Variants in RPS29 observed in about 807,000 individuals in gnomAD.
RPS29 encodes ribosomal protein S29.
For missense variants in RPS29, 60 were observed against 75.7 expected (o/e 0.79, Z 0.77); for synonymous variants, 37 against 26.9 (o/e 1.37, Z -1.16).
At chr14:49,579,105 G>A (rs1881267619), downstream of RPS29, among the ~76,000 whole-genome samples, 1 of 152,156 alleles carries the variant, frequency 6.6e-6, no homozygotes. Flanking sequence ...CCTGTGGGTT[G>A]TAGGAGGTGG....
chr14:49,591,164 A>G (rs1032648893), upstream of RPS29, among the ~76,000 whole-genome samples: 3 of 152,194 alleles, frequency 2.0e-5, no homozygotes, highest in African/African-American at 7.2e-5. Flanking sequence ...AAAAAGGAAA[A>G]AAATACATAC....
chr14:49,596,913 T>G (rs978900470), intron 1 of RPS29, among the ~76,000 whole-genome samples: 3 of 145,996 alleles, frequency 2.1e-5, no homozygotes, highest in African/African-American at 7.6e-5. Context: ...TAATTTTTTC[T>G]TCTTCTTTTT....
At chr14:49,577,796 A>G in exon 3 of RPS29, 2 of 1,602,884 alleles carry the variant, frequency 1.2e-6, no homozygotes, top group Non-Finnish European at 1.7e-6. Flanking sequence ...GATGGCCATG[A>G]TGGAGGAGAT....
downstream of RPS29, among the ~76,000 whole-genome samples, chr14:49,582,870 T>TAG (rs1881382152): frequency 3.3e-5 from 5 of 152,202 alleles, no homozygotes; most frequent in African/African-American, 1.2e-4. Flanking sequence ...CACTTCACCT[T>TAG]TTACTGAGTC....
chr14:49,582,012 C>CAAAAAAAAAA (rs58507206), downstream of RPS29, among the ~76,000 whole-genome samples: 8 of 106,530 alleles, frequency 7.5e-5, no homozygotes, highest in African/African-American at 2.3e-4. Context: ...CCCTGCCCCC[C>CAAAAAAAAAA]AAAAAAAAAA....
intron 1 of RPS29, among the ~76,000 whole-genome samples, chr14:49,596,276 A>G (rs72678065): frequency 0.47 from 70,722 of 152,014 alleles, 17,490 homozygotes; most frequent in Middle Eastern, 0.56. Flanking sequence ...TCTAAATGTT[A>G]TATCTTTTAT....
chr14:49,589,570 G>A (rs1881669589), upstream of RPS29, among the ~76,000 whole-genome samples: 1 of 152,100 alleles, frequency 6.6e-6, no homozygotes, highest in South Asian at 2.1e-4. Flanking sequence ...CATCTTAGAC[G>A]TATACACTGC....
chr14:49,586,697 A>G (rs183290497), upstream of RPS29: 196 of 277,436 alleles, frequency 7.1e-4, 1 homozygote, highest in East Asian at 4.2e-3. Flanking sequence ...TGTCCGCACT[A>G]AGTTCGGCAT....
chr14:49,591,287 C>CTGTTTGTT (rs61069057), upstream of RPS29, among the ~76,000 whole-genome samples: 12,868 of 150,552 alleles, frequency 0.085, 716 homozygotes, highest in Admixed American at 0.19. Context: ...TAGAGGTTTT[C>CTGTTTGTT]TGTTTGTTTG....
chr14:49,590,581 A>G (rs934803557), upstream of RPS29, among the ~76,000 whole-genome samples: 1 of 152,074 alleles, frequency 6.6e-6, no homozygotes, highest in African/African-American at 2.4e-5. Flanking sequence ...TACAAAACCT[A>G]TTTTACCATA....
At chr14:49,584,624 C>T (rs975552246) in intron 2 of RPS29, among the ~76,000 whole-genome samples, 1 of 151,878 alleles carries the variant, frequency 6.6e-6, no homozygotes, top group African/African-American at 2.4e-5. Context: ...ATAGGCCGGG[C>T]GTGGTGGCAG....
chr14:49,577,605 C>T, exon 3 of RPS29: 1 of 690,822 alleles, frequency 1.4e-6, no homozygotes, highest in Non-Finnish European at 2.6e-6. Context: ...TGTGCTTTGT[C>T]TTTTTGTTTC....
intron 2 of RPS29, among the ~76,000 whole-genome samples, chr14:49,584,771 A>C (rs1393227134): frequency 2.1e-5 from 3 of 144,938 alleles, no homozygotes; most frequent in African/African-American, 2.6e-5. Context: ...CAAAACAAAA[A>C]AAAAAATTTA....
At chr14:49,594,741 C>A (rs1881783750) in intron 1 of RPS29, among the ~76,000 whole-genome samples, 1 of 152,230 alleles carries the variant, frequency 6.6e-6, no homozygotes. Context: ...CTCCTTTGCA[C>A]AGTTGGCAGG....
exon 3 of RPS29, chr14:49,571,132 A>T (rs1476347888): frequency 1.3e-5 from 2 of 152,200 alleles, no homozygotes; most frequent in Admixed American, 6.5e-5. Context: ...GCCCTAAAGA[A>T]GTTTTCCTGC....
chr14:49,571,751 CA>C (rs1881062511), exon 3 of RPS29: 2 of 152,206 alleles, frequency 1.3e-5, no homozygotes, highest in Admixed American at 1.3e-4. Context: ...CCCGATTCCA[CA>C]ATGCAGGACA....
downstream of RPS29, among the ~76,000 whole-genome samples, chr14:49,580,503 A>G (rs970438521): frequency 6.6e-6 from 1 of 152,198 alleles, no homozygotes; most frequent in Non-Finnish European, 1.5e-5. Flanking sequence ...TATGAAACTT[A>G]AACTCCAGTA....
intron 2 of RPS29, among the ~76,000 whole-genome samples, chr14:49,584,351 T>G (rs1881442502): frequency 6.6e-6 from 1 of 152,236 alleles, no homozygotes; most frequent in African/African-American, 2.4e-5. Flanking sequence ...ACCTCTCAAA[T>G]TAGGCGAACC....
exon 3 of RPS29, chr14:49,573,543 G>A (rs1881108733): frequency 6.6e-6 from 1 of 151,642 alleles, no homozygotes; most frequent in Non-Finnish European, 1.5e-5. Context: ...AACCACACTG[G>A]GCAGAGGACT....
Sources: allele counts gnomAD v4.1 joint callset (sites outside exome capture counted in the v4.1 genomes callset), GRCh38; gene constraint gnomAD v4.1.1; transcripts MANE v1.5; gene names NCBI Gene and HGNC (gene_info 2026-07-23, HGNC 2026-07-21).